Variants in RUNX1T1 observed in about 807,000 individuals in gnomAD.
The protein encoded by RUNX1T1 is RUNX1 partner transcriptional co-repressor 1.
In RUNX1T1, 4 loss-of-function variants were observed where a neutral mutation model predicts 62.8. That is an observed-to-expected ratio of 0.06 (90% confidence interval 0.03 to 0.15). RUNX1T1 has a LOEUF of 0.15. Ranked by LOEUF, RUNX1T1 falls within the 10% of genes least tolerant of loss-of-function variation. The pLI is 1.00. For missense variants in RUNX1T1, 508 were observed against 754.3 expected, an observed-to-expected ratio of 0.67 and a Z score of 3.82; for synonymous variants, 291 against 286.0, an observed-to-expected ratio of 1.02 and a Z score of -0.18.
At chr8:92,032,051 C>T (rs1029375086) in intron 1 of RUNX1T1, among the ~76,000 whole-genome samples, 1 of 145,030 alleles carries the variant, frequency 6.9e-6, no homozygotes, top group African/African-American at 2.6e-5. Context: ...CAAGATTGCA[C>T]CACTGCACTC....
intron 10 of RUNX1T1, 77 bp from the exon 12 acceptor site, chr8:91,960,594 C>CTACAA: frequency 6.9e-7 from 1 of 1,455,612 alleles, no homozygotes; most frequent in Non-Finnish European, 9.5e-7. Context: ...ATATGTTAGG[C>CTACAA]ATCACTGTAG....
At chr8:92,099,990 G>C (rs1234601385), upstream of RUNX1T1, among the ~76,000 whole-genome samples, 1 of 152,074 alleles carries the variant, frequency 6.6e-6, no homozygotes, top group African/African-American at 2.4e-5. Context: ...CTCAATGGGA[G>C]AGCACATCAT....
chr8:92,054,225 G>A (rs1830666072), intron 1 of RUNX1T1, among the ~76,000 whole-genome samples: 1 of 151,854 alleles, frequency 6.6e-6, no homozygotes, highest in Non-Finnish European at 1.5e-5. Context: ...TTCCACATTT[G>A]CAAATAACTG....
chr8:92,093,546 C>T (rs1168887186), intron 1 of RUNX1T1, among the ~76,000 whole-genome samples: 1 of 152,158 alleles, frequency 6.6e-6, no homozygotes, highest in African/African-American at 2.4e-5. Context: ...TTGTATTGAA[C>T]CCATTATCGC....
chr8:92,014,876 G>T, intron 2 of RUNX1T1, 56 bp from the exon 4 acceptor site: 1 of 1,498,048 alleles, frequency 6.7e-7, no homozygotes, highest in Non-Finnish European at 8.9e-7. Context: ...ACATGCATGA[G>T]GAAATTGCCA....
chr8:92,029,586 T>C (rs1036772204), intron 1 of RUNX1T1, among the ~76,000 whole-genome samples: 3 of 152,208 alleles, frequency 2.0e-5, no homozygotes, highest in South Asian at 2.1e-4. Context: ...TCAATGGTAC[T>C]GTGCTGTTCG....
At chr8:91,964,091 C>T (rs1267592064) in intron 10 of RUNX1T1, among the ~76,000 whole-genome samples, 2 of 152,106 alleles carry the variant, frequency 1.3e-5, no homozygotes. Flanking sequence ...GAACACGAAC[C>T]TCCCCTTTGC....
intron 3 of RUNX1T1, 96 bp from the exon 5 acceptor site, chr8:92,011,187 A>AAAC: frequency 1.5e-6 from 1 of 667,442 alleles, no homozygotes; most frequent in South Asian, 1.9e-5. Flanking sequence ...AACACAGTGT[A>AAAC]ATAACAAGCA....
Position 92,023,711 on chromosome 8 carries a change from T to C in RUNX1T1, c.8-6348A>G, listed in dbSNP as rs143003257. ...TCTTCATTTCCCACTCCATCTTCCA[T>C]GCACTAGGAGCAGAAACCTATAAGA... On this transcript the variant is annotated intron_variant, in intron 1 of 10. Coordinates refer to ENST00000396218, the Ensembl canonical transcript of RUNX1T1. 7.2e-3 allele frequency among the ~76,000 whole-genome samples: 1,092 copies of C among 152,336 alleles called. 13 individuals carry two copies. The highest frequency in any genetic ancestry group is 0.024 in the African/African-American group (1,016 of 41,572).
At chr8:92,089,175 A>G (rs926699698) in intron 1 of RUNX1T1, among the ~76,000 whole-genome samples, 6 of 152,212 alleles carry the variant, frequency 3.9e-5, no homozygotes, top group African/African-American at 1.2e-4. Context: ...AAGAATGCCA[A>G]TAACTCTTAA....
intron 1 of RUNX1T1, among the ~76,000 whole-genome samples, chr8:92,041,298 C>T (rs1356446673): frequency 6.6e-6 from 1 of 152,244 alleles, no homozygotes; most frequent in African/African-American, 2.4e-5. Context: ...ACACCTCCCA[C>T]CAATAACCCA....
intron 2 of RUNX1T1, among the ~76,000 whole-genome samples, chr8:92,074,409 C>T (rs966447280): frequency 2.0e-5 from 3 of 152,150 alleles, no homozygotes; most frequent in Admixed American, 2.0e-4. Flanking sequence ...TATGTTCAAG[C>T]TTTAAAGTCC....
At chr8:92,078,346 G>A (rs1834744004) in intron 1 of RUNX1T1, among the ~76,000 whole-genome samples, 1 of 151,988 alleles carries the variant, frequency 6.6e-6, no homozygotes, top group African/African-American at 2.4e-5. Flanking sequence ...CGATGTTCAG[G>A]TATTTCTGAG....
intron 1 of RUNX1T1, among the ~76,000 whole-genome samples, chr8:92,090,560 ATAGAC>A (rs1364791358): frequency 3.3e-5 from 5 of 152,204 alleles, no homozygotes; most frequent in African/African-American, 1.2e-4. Flanking sequence ...ACTGAGGAAT[ATAGAC>A]TAGCACACAC....
At chr8:91,963,567 A>C (rs1392332052) in intron 10 of RUNX1T1, among the ~76,000 whole-genome samples, 2 of 152,220 alleles carry the variant, frequency 1.3e-5, no homozygotes, top group African/African-American at 4.8e-5. Flanking sequence ...ATGCCTGATC[A>C]GTGGCACTCA....
At chr8:91,971,231 T>G (rs1005549547) in intron 9 of RUNX1T1, 2 of 159,520 alleles carry the variant, frequency 1.3e-5, no homozygotes, top group African/African-American at 4.8e-5. Flanking sequence ...ATTATAATTT[T>G]TTTAACCAAA....
At chr8:91,979,706 G>A (rs1382830427) in intron 8 of RUNX1T1, 2 of 378,628 alleles carry the variant, frequency 5.3e-6, no homozygotes, top group Admixed American at 6.4e-5. Flanking sequence ...AGAAAATGGT[G>A]TAAGAAATGT....
At chr8:91,982,703 G>C (rs1452611883) in intron 8 of RUNX1T1, among the ~76,000 whole-genome samples, 1 of 152,056 alleles carries the variant, frequency 6.6e-6, no homozygotes, top group African/African-American at 2.4e-5. Flanking sequence ...TGGATACTTG[G>C]AGTTTTCCCT....
chr8:92,083,853 C>T lies in RUNX1T1; in HGVS notation c.-85-7716G>A, dbSNP rs192663433. Among the ~76,000 whole-genome samples, 288 of 152,190 alleles carry T rather than the reference C, an allele frequency of 1.9e-3. 2 individuals are homozygous for T. The highest frequency in any genetic ancestry group is 6.3e-3 in the African/African-American group (262 of 41,546). On this transcript the variant is annotated intron_variant, in intron 1 of 11. Transcript: ENST00000265814. ...AGCAAAGACTTGGAACCAACCCAAA[C>T]GCCCATCAATGACAGACCGGATAAA...
Sources: allele counts gnomAD v4.1 joint callset (sites outside exome capture counted in the v4.1 genomes callset), GRCh38; gene constraint gnomAD v4.1.1; transcripts MANE v1.5; gene names NCBI Gene and HGNC (gene_info 2026-07-23, HGNC 2026-07-21).